Variants in DPP10 observed in about 807,000 individuals in gnomAD.
The protein encoded by DPP10 is inactive dipeptidyl peptidase 10.
In DPP10, 33 loss-of-function variants were observed where a neutral mutation model predicts 120.9. The observed-to-expected ratio is 0.27, with a 90% CI of 0.21 to 0.37. The LOEUF (loss-of-function observed/expected upper bound fraction) is 0.37, where lower values mean the gene tolerates loss of function less well. DPP10 is among the 10% of genes least tolerant of loss of function. The pLI is 1.00. For missense variants in DPP10, 816 were observed against 942.8 expected (o/e 0.87, Z 1.76); for synonymous variants, 337 against 326.1 (o/e 1.03, Z -0.36).
intron 4 of DPP10, among the ~76,000 whole-genome samples, chr2:115,507,710 G>A (rs1452255399): frequency 2.0e-5 from 3 of 152,062 alleles, no homozygotes; most frequent in Non-Finnish European, 2.9e-5. Flanking sequence ...TGAGCAGTAG[G>A]TACACTCTGA....
chr2:114,763,199 AC>A (rs1680428098), intron 1 of DPP10, among the ~76,000 whole-genome samples: 1 of 152,154 alleles, frequency 6.6e-6, no homozygotes, highest in African/African-American at 2.4e-5. Context: ...AGTGCTGAAA[AC>A]ATGTGAGGAC....
At chr2:115,562,035 G>A (rs528369479) in intron 5 of DPP10, among the ~76,000 whole-genome samples, 1 of 152,258 alleles carries the variant, frequency 6.6e-6, no homozygotes, top group East Asian at 1.9e-4. Flanking sequence ...TGATGACAAT[G>A]TTTTATTCCA....
At chr2:115,629,159 G>A (rs887326196) in intron 5 of DPP10, among the ~76,000 whole-genome samples, 1 of 152,052 alleles carries the variant, frequency 6.6e-6, no homozygotes, top group Non-Finnish European at 1.5e-5. Context: ...CCTTTTTTAT[G>A]GCTGCATAGT....
In DPP10 at chr2:114,899,952, T is replaced by A. The variant is rs535265307; in HGVS notation, c.61-409287T>A. Among the ~76,000 whole-genome samples the A allele has an allele frequency of 2.0e-5, 3 of 152,322 alleles. No homozygotes were observed. In the South Asian group the frequency reaches 6.2e-4, roughly 32 times the overall value. On this transcript the variant is annotated intron_variant, in intron 1 of 25. Coordinates refer to ENST00000410059, the MANE Select transcript of DPP10 (RefSeq NM_020868.6). ...TCCAGCCTGGGTGACAGAGCGAGAC[T>A]CCGTCTCAAAAAAACAAACAAACAA... is the stretch of plus-strand genomic sequence containing the variant.
chr2:114,744,536 G>T (rs1223339945), intron 1 of DPP10, among the ~76,000 whole-genome samples: 2 of 151,828 alleles, frequency 1.3e-5, no homozygotes, highest in African/African-American at 4.8e-5. Context: ...GGAAGTAGAA[G>T]AGAATGCTAA....
chr2:114,999,716 AG>A (rs1251667265), intron 1 of DPP10, among the ~76,000 whole-genome samples: 2 of 152,024 alleles, frequency 1.3e-5, no homozygotes, highest in Non-Finnish European at 2.9e-5. Context: ...CCCTCCACAA[AG>A]CTTCCCTTGA....
intron 1 of DPP10, among the ~76,000 whole-genome samples, chr2:114,689,330 G>A (rs548397994): frequency 1.3e-5 from 2 of 151,938 alleles, no homozygotes; most frequent in South Asian, 2.1e-4. Context: ...AGAGCATGTG[G>A]CGTTTGGTTT....
chr2:115,195,481 A>G (rs991909939), intron 1 of DPP10, among the ~76,000 whole-genome samples: 3 of 152,136 alleles, frequency 2.0e-5, no homozygotes, highest in Non-Finnish European at 4.4e-5. Context: ...AAATCTGTCC[A>G]GCTATTCTCT....
rs564805369 is a variant in DPP10, at chr2:115,058,530, G to T, written c.61-250709G>T. Among the ~76,000 whole-genome samples, 6 of 152,128 alleles carry T rather than the reference G, an allele frequency of 3.9e-5. No individual in the cohort carries two copies. In the South Asian group the frequency reaches 1.0e-3, roughly 26 times the overall value. ...TTCTCATGCCTCAGCCTCCTGAGTC[G>T]CTGGGATTACAGGCACCTGCCACCA... On this transcript the variant is annotated intron_variant, in intron 1 of 25. Transcript: ENST00000410059.
intron 1 of DPP10, among the ~76,000 whole-genome samples, chr2:114,818,535 T>C (rs765613958): frequency 3.1e-4 from 47 of 152,164 alleles, no homozygotes; most frequent in Admixed American, 1.2e-3. Flanking sequence ...GAAGACAACT[T>C]TTAATACCAA....
intron 3 of DPP10, among the ~76,000 whole-genome samples, chr2:115,344,728 T>G (rs901015943): frequency 1.1e-4 from 17 of 152,176 alleles, no homozygotes; most frequent in Admixed American, 1.0e-3. Context: ...ATCAGTTTTT[T>G]AATCCTTTGA....
chr2:115,432,170 G>T (rs1033779474), intron 3 of DPP10, among the ~76,000 whole-genome samples: 1 of 151,934 alleles, frequency 6.6e-6, no homozygotes, highest in East Asian at 1.9e-4. Context: ...TTATCTATTA[G>T]TCACCTTCCT....
chr2:115,558,822 C>T (rs987038361), intron 5 of DPP10, among the ~76,000 whole-genome samples: 1 of 152,106 alleles, frequency 6.6e-6, no homozygotes, highest in Non-Finnish European at 1.5e-5. Context: ...GACTTGTAGG[C>T]ATTTGGAGGG....
At chr2:115,574,164 G>A (rs971164716) in intron 5 of DPP10, among the ~76,000 whole-genome samples, 49 of 151,938 alleles carry the variant, frequency 3.2e-4, no homozygotes, top group African/African-American at 1.1e-3. Context: ...CCTAGACCCT[G>A]TCTTTCCACC....
chr2:115,718,853 G>T (rs751804362), intron 7 of DPP10, among the ~76,000 whole-genome samples: 16 of 152,086 alleles, frequency 1.1e-4, no homozygotes, highest in Non-Finnish European at 2.1e-4. Context: ...AAGTGAAAAA[G>T]GAGAAAGTTG....
chr2:115,820,538 GA>G (rs1687706043), intron 21 of DPP10, among the ~76,000 whole-genome samples: 1 of 151,780 alleles, frequency 6.6e-6, no homozygotes, highest in Admixed American at 6.6e-5. Context: ...CATCAGCAGA[GA>G]AGTGTATTGT....
chr2:115,078,544 A>C (rs560254288), intron 1 of DPP10, among the ~76,000 whole-genome samples: 1 of 152,354 alleles, frequency 6.6e-6, no homozygotes, highest in South Asian at 2.1e-4. Context: ...TGCTGTTTGT[A>C]TAACGCAATA....
intron 1 of DPP10, among the ~76,000 whole-genome samples, chr2:114,722,107 C>T (rs1701737826): frequency 6.6e-6 from 1 of 151,978 alleles, no homozygotes; most frequent in Non-Finnish European, 1.5e-5. Flanking sequence ...ATGTTACTGA[C>T]CAAAGGGAAA....
intron 1 of DPP10, among the ~76,000 whole-genome samples, chr2:114,494,516 C>T (rs1261904114): frequency 6.6e-6 from 1 of 152,124 alleles, no homozygotes; most frequent in Non-Finnish European, 1.5e-5. Flanking sequence ...GGAAGATAAT[C>T]GTGTCACTTT....
Sources: gnomAD v4.1 joint callset for allele counts (sites outside exome capture counted in the v4.1 genomes callset) on GRCh38, gnomAD v4.1.1 for gene constraint, MANE v1.5 for transcripts, NCBI Gene and HGNC (gene_info 2026-07-23, HGNC 2026-07-21) for gene names.